ADCY1: variants seen among roughly 807,000 people sequenced by gnomAD.
ADCY1 encodes adenylate cyclase type 1.
ADCY1 carries 28 observed loss-of-function variants against 105.4 expected under a neutral mutation model. The ratio of observed to expected loss-of-function variants is 0.27; its 90% CI spans 0.20 to 0.36. The LOEUF is 0.36. Ranked by LOEUF, ADCY1 falls within the 10% of genes least tolerant of loss-of-function variation. The pLI is 1.00. For missense variants in ADCY1, 977 were observed against 1,434.2 expected, an observed-to-expected ratio of 0.68 and a Z score of 5.15; for synonymous variants, 655 against 623.8, an observed-to-expected ratio of 1.05 and a Z score of -0.75.
intron 5 of ADCY1, among the ~76,000 whole-genome samples, chr7:45,649,798 C>T (rs998876763): frequency 1.3e-5 from 2 of 152,204 alleles, no homozygotes; most frequent in African/African-American, 2.4e-5. Context: ...CAGCGGTTCA[C>T]CAACACGGCT....
chr7:45,683,044 C>A (rs955686933), intron 11 of ADCY1, among the ~76,000 whole-genome samples: 1 of 152,252 alleles, frequency 6.6e-6, no homozygotes, highest in African/African-American at 2.4e-5. Context: ...GCCACAATGG[C>A]CACTTTGTTC....
At chr7:45,636,627 G>A (rs1448245604) in intron 4 of ADCY1, among the ~76,000 whole-genome samples, 1 of 152,100 alleles carries the variant, frequency 6.6e-6, no homozygotes, top group Admixed American at 6.5e-5. Context: ...TGTAACCTCC[G>A]CCTCCCGGGT....
At position 45,592,762 on chromosome 7, in the gene ADCY1, G is replaced by A. The variant is rs749379463; in HGVS notation, c.643G>A (p.Gly215Ser). Residue 215 changes from glycine to serine, a missense_variant, in exon 2 of 20, where the codon GGT becomes AGT. Physicochemically the swap from Gly to Ser is moderately conservative, Grantham distance 56 (BLOSUM62 0). Transcript: ENST00000297323. ...TTGCCTCCTTCTCTCCCTGCAGCTC[G>A]GTGCCAATGCCTTGCTCTTCGTCGG... ...AKRPRLWRTL[G>S]ANALLFVGVN... 11 of 1,614,020 alleles carry A rather than the reference G, an allele frequency of 6.8e-6. No individual in the cohort carries two copies. The highest frequency in any genetic ancestry group is 5.5e-5 in the South Asian group (5 of 91,086).
At chr7:45,661,205 G>C (rs1331319401) in intron 7 of ADCY1, among the ~76,000 whole-genome samples, 7 of 152,138 alleles carry the variant, frequency 4.6e-5, no homozygotes, top group African/African-American at 1.4e-4. Context: ...AGGGTGAAAG[G>C]GGGTGACAAG....
chr7:45,645,239 A>T (rs1794627618), intron 4 of ADCY1, among the ~76,000 whole-genome samples: 1 of 151,994 alleles, frequency 6.6e-6, no homozygotes. Flanking sequence ...GCTCGCCCAC[A>T]CCATGCAGTG....
intron 5 of ADCY1, among the ~76,000 whole-genome samples, chr7:45,653,769 C>G (rs1794872191): frequency 6.6e-6 from 1 of 152,200 alleles, no homozygotes; most frequent in Non-Finnish European, 1.5e-5. Flanking sequence ...ACACGCACCA[C>G]CAGCTCTGCT....
In ADCY1 at chr7:45,686,977, ACAG is replaced by A. The variant is rs1309419779; in HGVS notation, c.2454+307_2454+309del. The stretch of plus-strand genomic sequence containing the variant: ...GAGGCAGTGAGTCCCCCTTCACTGA[ACAG>A]CATGTGCAGTGGTGGTGCAGAGGGG... On this transcript the variant is annotated intron_variant, in intron 14 of 19. Transcript: ENST00000297323. The surrounding 1 kb of genome is among the most constrained non-coding windows in gnomAD (Gnocchi z 4.3). Among the ~76,000 whole-genome samples, 1 of 152,114 alleles carries A rather than the reference ACAG, an allele frequency of 6.6e-6. No homozygotes were observed. Among genetic ancestry groups the A allele is most frequent in the East Asian group, 1.9e-4 (1 of 5,184 alleles).
rs539945209 is a variant in ADCY1 at position 45,636,464 on chromosome 7, G to T, written c.1021-12206G>T. Among the ~76,000 whole-genome samples, 67 of 152,314 alleles carry T rather than the reference G, an allele frequency of 4.4e-4. 1 individual carries two copies. Among genetic ancestry groups the T allele is most frequent in the African/African-American group, 1.6e-3 (67 of 41,564 alleles). On this transcript the variant is annotated intron_variant, in intron 4 of 19. Transcript: ENST00000297323. The stretch of plus-strand genomic sequence containing the variant: ...AACTACATTCTGTCATCTGCAGTTG[G>T]TTGGATCCATGGATGCAGAACCCAT...
Position 45,676,230 on chromosome 7 carries a change from T to C in ADCY1, c.1606-1639T>C, listed in dbSNP as rs556856393. ...TGTAATTTTTATCTGTTCTTTCTTATACTTTCCTTTTTTCTGAGACTTGCT... is the reference window on the plus strand; with the variant it reads ...TGTAATTTTTATCTGTTCTTTCTTACACTTTCCTTTTTTCTGAGACTTGCT... On this transcript the variant is annotated intron_variant, in intron 8 of 19. Transcript: ENST00000297323. 9.2e-5 allele frequency among the ~76,000 whole-genome samples: 14 copies of C among 152,294 alleles called. No homozygotes were observed. The South Asian group carries it at 2.7e-3, about 29-fold the overall frequency.
chr7:45,590,305 T>A (rs1015328633), intron 1 of ADCY1, among the ~76,000 whole-genome samples: 3 of 152,176 alleles, frequency 2.0e-5, no homozygotes, highest in African/African-American at 4.8e-5. Flanking sequence ...AGCTAACATG[T>A]GGAAAATCTC....
chr7:45,623,268 C>A (rs1379607338), intron 4 of ADCY1, among the ~76,000 whole-genome samples: 1 of 152,246 alleles, frequency 6.6e-6, no homozygotes. Context: ...GAAAGACCTT[C>A]CTTGGACCAG....
At chr7:45,624,213 C>T (rs776886428) in intron 4 of ADCY1, among the ~76,000 whole-genome samples, 5 of 152,076 alleles carry the variant, frequency 3.3e-5, no homozygotes, top group East Asian at 1.9e-4. Flanking sequence ...CAGAGCCAGG[C>T]GGTAGTCACA....
chr7:45,677,721 C>A, intron 8 of ADCY1, 148 bp from the exon 9 acceptor site: 1 of 836,970 alleles, frequency 1.2e-6, no homozygotes, highest in Non-Finnish European at 1.8e-6. Context: ...CATCTCACCA[C>A]CAGCAGGGCA....
chr7:45,620,663 T>G (rs1470320260), intron 3 of ADCY1, among the ~76,000 whole-genome samples: 1 of 152,084 alleles, frequency 6.6e-6, no homozygotes, highest in African/African-American at 2.4e-5. Flanking sequence ...ACTAAAGATA[T>G]GAGAACAATT....
At chr7:45,679,227 G>T (rs1784514274) in intron 10 of ADCY1, among the ~76,000 whole-genome samples, 1 of 152,208 alleles carries the variant, frequency 6.6e-6, no homozygotes, top group African/African-American at 2.4e-5. Flanking sequence ...GGAGGAGGGA[G>T]TTCAGCCCTG....
At chr7:45,644,668 ATCT>A (rs1562704000) in intron 4 of ADCY1, among the ~76,000 whole-genome samples, 1 of 152,150 alleles carries the variant, frequency 6.6e-6, no homozygotes, top group African/African-American at 2.4e-5. Context: ...CCTCCATCTC[ATCT>A]TCTTCTTTCT....
At chr7:45,646,940 A>G (rs907726556) in intron 4 of ADCY1, among the ~76,000 whole-genome samples, 1 of 152,204 alleles carries the variant, frequency 6.6e-6, no homozygotes, top group Non-Finnish European at 1.5e-5. Flanking sequence ...GGGCTTTACA[A>G]GGCTGGCCTC....
intron 14 of ADCY1, among the ~76,000 whole-genome samples, chr7:45,698,228 G>T (rs1442203531): frequency 6.6e-6 from 1 of 151,982 alleles, no homozygotes; most frequent in Admixed American, 6.5e-5. Flanking sequence ...TGTGGAACAT[G>T]TACATGTGCA....
chr7:45,628,622 A>G (rs1037490343), intron 4 of ADCY1, among the ~76,000 whole-genome samples: 1 of 152,184 alleles, frequency 6.6e-6, no homozygotes, highest in Non-Finnish European at 1.5e-5. Flanking sequence ...TAGGAAAATT[A>G]TTAAGAAGAG....
Sources: allele counts gnomAD v4.1 joint callset (sites outside exome capture counted in the v4.1 genomes callset), GRCh38; gene constraint gnomAD v4.1.1; non-coding constraint Gnocchi (gnomAD v3.1); transcripts MANE v1.5; gene names NCBI Gene and HGNC (gene_info 2026-07-23, HGNC 2026-07-21).